Variants in CHLSN observed in about 807,000 individuals in gnomAD.
The protein encoded by CHLSN is protein cholesin.
the CHLSN span, among the ~76,000 whole-genome samples, chr7:1,123,366 G>C: frequency 1.3e-5 from 2 of 152,222 alleles, no homozygotes; most frequent in African/African-American, 4.8e-5. This position sits in a 1 kb window ranked among gnomAD's most constrained non-coding sequence, Gnocchi z 4.4. Flanking sequence ...TGACCCGCAG[G>C]CTCCCCAGAC....
chr7:1,015,505 A>AC, the CHLSN span, among the ~76,000 whole-genome samples: 1 of 152,244 alleles, frequency 6.6e-6, no homozygotes, highest in Admixed American at 6.5e-5. Context: ...AGAAAAAGTC[A>AC]TCTGTTCCAG....
At chr7:1,076,705 G>T in the CHLSN span, among the ~76,000 whole-genome samples, 1 of 152,234 alleles carries the variant, frequency 6.6e-6, no homozygotes, top group Non-Finnish European at 1.5e-5. Context: ...CACTTGGCAG[G>T]GCTCTCTCCC....
the CHLSN span, among the ~76,000 whole-genome samples, chr7:1,113,671 C>T: frequency 6.6e-6 from 1 of 152,162 alleles, no homozygotes; most frequent in South Asian, 2.1e-4. Context: ...CGTCCCAGCC[C>T]GAGCATTTCC....
the CHLSN span, among the ~76,000 whole-genome samples, chr7:1,024,140 T>C: frequency 6.6e-6 from 1 of 152,150 alleles, no homozygotes; most frequent in Non-Finnish European, 1.5e-5. Context: ...ACAGCGATCC[T>C]TCCGGCCAGC....
the CHLSN span, chr7:985,119 C>T: frequency 1.1e-4 from 169 of 1,607,482 alleles, 4 homozygotes; most frequent in South Asian, 1.4e-3. Context: ...GGGCCGGGGA[C>T]GCCCCTCCCC....
the CHLSN span, chr7:1,057,486 C>T: frequency 2.7e-6 from 2 of 735,680 alleles, no homozygotes; most frequent in South Asian, 2.9e-5. Context: ...TTCCTTCTTT[C>T]CGCAGGGTCG....
the CHLSN span, among the ~76,000 whole-genome samples, chr7:1,039,007 G>A: frequency 1.3e-5 from 1 of 77,082 alleles, no homozygotes; most frequent in Admixed American, 1.1e-4. Flanking sequence ...CGGGAGGGAG[G>A]TGGGGGTGTC....
chr7:1,120,310 G>GT, the CHLSN span, among the ~76,000 whole-genome samples: 11 of 151,856 alleles, frequency 7.2e-5, no homozygotes, highest in Admixed American at 2.0e-4. Flanking sequence ...ACATTTTGGG[G>GT]TTTTTTTTAT....
chr7:1,055,464 G>C, the CHLSN span: 1 of 461,004 alleles, frequency 2.2e-6, no homozygotes, highest in South Asian at 1.6e-5. Context: ...GCACCAAGAG[G>C]CTTGGGCCAC....
At chr7:987,975 C>T in the CHLSN span, among the ~76,000 whole-genome samples, 3 of 140,640 alleles carry the variant, frequency 2.1e-5, no homozygotes, top group African/African-American at 8.3e-5. Flanking sequence ...CTCTGTGTGT[C>T]CTGGGGGGGT....
the CHLSN span, among the ~76,000 whole-genome samples, chr7:1,032,736 C>G: frequency 1.3e-5 from 2 of 152,242 alleles, no homozygotes; most frequent in Non-Finnish European, 2.9e-5. Context: ...TCCAGTCTGT[C>G]CATGACAGGC....
the CHLSN span, among the ~76,000 whole-genome samples, chr7:1,127,652 C>T: frequency 5.9e-5 from 4 of 67,828 alleles, no homozygotes; most frequent in African/African-American, 1.2e-4. Context: ...AGTGCAGTGG[C>T]ACAATCTCGG....
chr7:998,242 T>G, the CHLSN span, among the ~76,000 whole-genome samples: 8 of 152,050 alleles, frequency 5.3e-5, no homozygotes, highest in Non-Finnish European at 1.0e-4. Context: ...CTGCTGGTGG[T>G]GGGGGCACCT....
the CHLSN span, among the ~76,000 whole-genome samples, chr7:983,946 G>A: frequency 6.6e-6 from 1 of 152,192 alleles, no homozygotes; most frequent in Non-Finnish European, 1.5e-5. Flanking sequence ...GGACAGGGCT[G>A]ACCAGTCAGG....
At chr7:1,055,778 C>T in the CHLSN span, among the ~76,000 whole-genome samples, 1 of 152,260 alleles carries the variant, frequency 6.6e-6, no homozygotes, top group East Asian at 1.9e-4. Flanking sequence ...AGACAGCCCT[C>T]CCGCTCCGAT....
At chr7:1,044,205 G>A in the CHLSN span, among the ~76,000 whole-genome samples, 1 of 152,234 alleles carries the variant, frequency 6.6e-6, no homozygotes, top group Non-Finnish European at 1.5e-5. Context: ...GGGCGGTGGG[G>A]CCTGCACCCT....
chr7:1,067,325 G>A, the CHLSN span, among the ~76,000 whole-genome samples: 1 of 77,084 alleles, frequency 1.3e-5, no homozygotes, highest in Admixed American at 1.2e-4. Flanking sequence ...ACACCCAGAG[G>A]TGAGGGTTTG....
chr7:1,113,189 G>A, the CHLSN span, among the ~76,000 whole-genome samples: 1 of 151,940 alleles, frequency 6.6e-6, no homozygotes, highest in Non-Finnish European at 1.5e-5. Context: ...GGGGAAGCCA[G>A]GCCACACAGG....
chr7:1,016,628 G>GCACGC, the CHLSN span, among the ~76,000 whole-genome samples: 1 of 98,138 alleles, frequency 1.0e-5, no homozygotes, highest in South Asian at 3.2e-4. Context: ...CCAGAGCACA[G>GCACGC]TAGCGCACGC....
Sources: allele counts gnomAD v4.1 joint callset (sites outside exome capture counted in the v4.1 genomes callset), GRCh38; gene constraint gnomAD v4.1.1; non-coding constraint Gnocchi (gnomAD v3.1); transcripts MANE v1.5; gene names NCBI Gene and HGNC (gene_info 2026-07-23, HGNC 2026-07-21).